The following SLIT2 variants were observed in gnomAD, a reference collection of about 807,000 sequenced individuals.
SLIT2 encodes slit homolog 2 protein.
SLIT2 carries 41 observed loss-of-function variants against 185.7 expected under a neutral mutation model. The ratio of observed to expected loss-of-function variants is 0.22; its 90% CI spans 0.17 to 0.29. The LOEUF is 0.29. Among genes scored for constraint, SLIT2 ranks in the 10% least tolerant of loss-of-function variants. The pLI is 1.00. For synonymous variants in SLIT2, 693 were observed against 680.2 expected, an observed-to-expected ratio of 1.02 and a Z score of -0.29; for missense variants, 1,571 against 1,909.0, an observed-to-expected ratio of 0.82 and a Z score of 3.30.
In SLIT2 at chr4:20,360,997, C is replaced by T. The variant is rs189340664; in HGVS notation, c.395+92116C>T. Among the ~76,000 whole-genome samples the T allele has an allele frequency of 6.8e-4, 104 of 152,262 alleles. 4 individuals carry two copies. In the East Asian group the frequency reaches 0.02, roughly 29 times the overall value. On this transcript the variant is annotated intron_variant, in intron 4 of 36. Transcript: ENST00000504154. ...TATTCTTATTTTATATCAGCCATAT[C>T]TCTCAACAAACGCTAATCAGAGCTG...
chr4:20,554,967 A>G (rs557463376), intron 26 of SLIT2, among the ~76,000 whole-genome samples: 35 of 152,110 alleles, frequency 2.3e-4, no homozygotes, highest in African/African-American at 8.4e-4. Context: ...ACGGGGTTTC[A>G]CCATGTTGGC....
At chr4:20,466,099 A>G (rs1161612775) in intron 4 of SLIT2, among the ~76,000 whole-genome samples, 1 of 152,136 alleles carries the variant, frequency 6.6e-6, no homozygotes, top group Admixed American at 6.5e-5. Context: ...TCTTGAATGC[A>G]AAGTTTTCCT....
chr4:20,438,179 T>C (rs1290355134), intron 4 of SLIT2, among the ~76,000 whole-genome samples: 1 of 152,154 alleles, frequency 6.6e-6, no homozygotes, highest in African/African-American at 2.4e-5. Flanking sequence ...GGTGATCCTG[T>C]TTAAAACATA....
At chr4:20,520,636 T>C (rs952007583) in intron 12 of SLIT2, among the ~76,000 whole-genome samples, 6 of 152,182 alleles carry the variant, frequency 3.9e-5, no homozygotes, top group African/African-American at 1.2e-4. Flanking sequence ...GTACATCCTA[T>C]TATCCATGTC....
chr4:20,620,291 A>G lies in SLIT2; in HGVS notation c.*1282A>G, dbSNP rs1729985624. 1 of 371,186 alleles carries G rather than the reference A, an allele frequency of 2.7e-6. No homozygotes were observed. Among genetic ancestry groups the G allele is most frequent in the Admixed American group, 3.9e-5 (1 of 25,942 alleles). The allele number at this position is 371,186 out of a possible 1,614,324, so 23.0% of individuals were successfully genotyped here. A position where few individuals can be genotyped will look rare whatever the true frequency, so the allele number is the denominator to read the frequency against. On this transcript the variant is annotated 3_prime_UTR_variant, in exon 37 of 37. Coordinates refer to ENST00000504154, the MANE Select transcript of SLIT2 (RefSeq NM_004787.4). ...GTGACTTTTCTTTCCCTCAAACAAT[A>G]AAACTCCTTTATTATCTTAATGCTC...
At chr4:20,524,893 A>G (rs1429214394) in intron 14 of SLIT2, among the ~76,000 whole-genome samples, 1 of 152,152 alleles carries the variant, frequency 6.6e-6, no homozygotes, top group African/African-American at 2.4e-5. Context: ...ATGCTACCTA[A>G]CTATTCCAGG....
At chr4:20,490,558 T>C (rs1398119385) in intron 8 of SLIT2, among the ~76,000 whole-genome samples, 1 of 152,112 alleles carries the variant, frequency 6.6e-6, no homozygotes, top group Non-Finnish European at 1.5e-5. Flanking sequence ...TCGTAAGTAG[T>C]TCACAGATTT....
chr4:20,469,123 G>T (rs1434528374), intron 5 of SLIT2, among the ~76,000 whole-genome samples: 1 of 151,974 alleles, frequency 6.6e-6, no homozygotes, highest in Admixed American at 6.6e-5. Context: ...TTGCTAGTTA[G>T]GGCTTCAAGA....
intron 29 of SLIT2, among the ~76,000 whole-genome samples, chr4:20,573,744 A>G (rs1281506985): frequency 6.6e-6 from 1 of 152,112 alleles, no homozygotes; most frequent in Non-Finnish European, 1.5e-5. Flanking sequence ...GAAGGTGTAT[A>G]CATTTATTGA....
At chr4:20,535,029 G>A (rs1030214340) in intron 18 of SLIT2, among the ~76,000 whole-genome samples, 4 of 152,022 alleles carry the variant, frequency 2.6e-5, no homozygotes, top group East Asian at 1.9e-4. Context: ...GACTGGGCGC[G>A]GTGGCTCATG....
In SLIT2 at chr4:20,345,929, T is replaced by C. The variant is rs528046947; in HGVS notation, c.395+77048T>C. ...AAGAAGTACCTTGAAGCAAGATATC[T>C]GTAGACTAATTCTGCATTTGCCCTT... On this transcript the variant is annotated intron_variant, in intron 4 of 36. Coordinates refer to ENST00000504154, the MANE Select transcript of SLIT2 (RefSeq NM_004787.4). Among the ~76,000 whole-genome samples, 4 of 152,270 alleles carry C rather than the reference T, an allele frequency of 2.6e-5. No homozygotes were observed. The South Asian group carries it at 8.3e-4, about 32-fold the overall frequency.
chr4:20,266,151 C>T (rs1007385434), intron 3 of SLIT2, among the ~76,000 whole-genome samples: 13 of 151,374 alleles, frequency 8.6e-5, no homozygotes, highest in South Asian at 2.1e-4. Flanking sequence ...AATTAGGAAC[C>T]ACTGGGAATA....
intron 9 of SLIT2, among the ~76,000 whole-genome samples, chr4:20,498,495 T>A (rs541662747): frequency 6.6e-6 from 1 of 152,326 alleles, no homozygotes; most frequent in African/African-American, 2.4e-5. Context: ...AGGTATACAA[T>A]TTTGAATGTG....
intron 3 of SLIT2, among the ~76,000 whole-genome samples, chr4:20,261,344 T>C (rs548505474): frequency 6.5e-4 from 99 of 152,048 alleles, no homozygotes; most frequent in African/African-American, 2.3e-3. Context: ...ACTTAGGAAG[T>C]ATATTTCTTT....
intron 29 of SLIT2, among the ~76,000 whole-genome samples, chr4:20,582,873 C>T (rs983638002): frequency 2.6e-5 from 4 of 152,132 alleles, no homozygotes; most frequent in African/African-American, 9.7e-5. Context: ...GATACCACGA[C>T]AACAGATTTG....
chr4:20,399,495 C>T (rs748391789), intron 4 of SLIT2, among the ~76,000 whole-genome samples: 10 of 151,586 alleles, frequency 6.6e-5, no homozygotes, highest in Non-Finnish European at 1.2e-4. Flanking sequence ...ATTTTAATTA[C>T]GTTAATATAT....
In SLIT2 at chr4:20,539,622, CATTT is replaced by C. The variant is rs369590928; in HGVS notation, c.1976+42_1976+45del. 78 of 1,375,708 alleles carry C rather than the reference CATTT, an allele frequency of 5.7e-5. No individual in the cohort carries two copies. The African/African-American group carries it at 7.8e-4, about 14-fold the overall frequency. 85.2% of individuals were successfully genotyped at this position (1,375,708 alleles called of 1,614,324 possible). On this transcript the variant is annotated intron_variant, in intron 19 of 36. Coordinates refer to ENST00000504154, the MANE Select transcript of SLIT2 (RefSeq NM_004787.4). ...AATAGCCCTTATGTATTACTTGAGC[CATTT>C]ATTATATTTGTTAATGTATTTAATA...
At chr4:20,350,805 A>G (rs1391657887) in intron 4 of SLIT2, among the ~76,000 whole-genome samples, 1 of 152,152 alleles carries the variant, frequency 6.6e-6, no homozygotes, top group Non-Finnish European at 1.5e-5. Context: ...CAGCTTGGGC[A>G]AGAAGTAAGA....
In SLIT2 at chr4:20,253,536, T is replaced by G; in HGVS notation, c.-280T>G. On this transcript the variant is annotated 5_prime_UTR_variant, in exon 1 of 37. Coordinates refer to ENST00000504154, the MANE Select transcript of SLIT2 (RefSeq NM_004787.4). ...ACGCGTGATCTCCTCTCCGCTGCTCTTGGGGTCTCCTTGCAGCCCTGGCCA... is the reference window on the plus strand; with the variant it reads ...ACGCGTGATCTCCTCTCCGCTGCTCGTGGGGTCTCCTTGCAGCCCTGGCCA... 2.0e-6 allele frequency: 1 copy of G among 506,108 alleles called. No homozygotes were observed. Among genetic ancestry groups the G allele is most frequent in the South Asian group, 2.7e-5 (1 of 37,042 alleles). The allele number at this position is 506,108 out of a possible 1,614,324, so 31.4% of individuals were successfully genotyped here.
Sources: gnomAD v4.1 joint callset for allele counts (sites outside exome capture counted in the v4.1 genomes callset) on GRCh38, gnomAD v4.1.1 for gene constraint, MANE v1.5 for transcripts, NCBI Gene and HGNC (gene_info 2026-07-23, HGNC 2026-07-21) for gene names.